IGF1R: variants seen among roughly 807,000 people sequenced by gnomAD.
The protein encoded by IGF1R is insulin like growth factor 1 receptor.
IGF1R carries 44 observed loss-of-function variants against 144.6 expected under a neutral mutation model. The ratio of observed to expected loss-of-function variants is 0.30; its 90% CI spans 0.24 to 0.39. The LOEUF (loss-of-function observed/expected upper bound fraction) is 0.39, where lower values mean the gene tolerates loss of function less well. Among genes scored for constraint, IGF1R ranks in the 10% least tolerant of loss-of-function variants. The pLI is 1.00. For missense variants in IGF1R, 1,355 were observed against 1,833.7 expected (o/e 0.74, Z 4.77); for synonymous variants, 795 against 722.8 (o/e 1.10, Z -1.60).
At chr15:98,709,901 T>G (rs1458079140) in intron 2 of IGF1R, among the ~76,000 whole-genome samples, 1 of 152,028 alleles carries the variant, frequency 6.6e-6, no homozygotes, top group Non-Finnish European at 1.5e-5. Context: ...TTGCCATAGG[T>G]TTTTGGCTGT....
chr15:98,707,747 G>A lies in IGF1R; in HGVS notation c.280G>A (p.Glu94Lys), dbSNP rs776250673. 5 of 1,614,136 alleles carry A rather than the reference G, an allele frequency of 3.1e-6. No homozygotes were observed. Among genetic ancestry groups the A allele is most frequent in the South Asian group, 1.1e-5 (1 of 91,078 alleles). ...GCTGCTGTTCCGAGTGGCTGGCCTC[G>A]AGAGCCTCGGAGACCTCTTCCCCAA... ...YLLLFRVAGL[E>K]SLGDLFPNLT... Residue 94 changes from glutamate (E) to lysine (K), a missense_variant, in exon 2 of 21, where the codon GAG (glutamate) becomes AAG (lysine). By Grantham distance (56) the Glu-to-Lys change is moderately conservative (BLOSUM62 1). Transcript: ENST00000650285. This position sits in a 1 kb window ranked among gnomAD's most constrained non-coding sequence, Gnocchi z 6.7.
At chr15:98,683,346 C>CT (rs1483832372) in intron 1 of IGF1R, among the ~76,000 whole-genome samples, 1 of 152,210 alleles carries the variant, frequency 6.6e-6, no homozygotes, top group East Asian at 1.9e-4. Context: ...TGTTCTGAGT[C>CT]TTTCACGATC....
intron 1 of IGF1R, among the ~76,000 whole-genome samples, chr15:98,679,946 A>C (rs1475653661): frequency 1.3e-5 from 2 of 152,108 alleles, no homozygotes; most frequent in Admixed American, 1.3e-4. Context: ...AAGTTTAAAA[A>C]GTTAAAAAAA....
chr15:98,680,960 A>G (rs934717523), intron 1 of IGF1R, among the ~76,000 whole-genome samples: 1 of 151,758 alleles, frequency 6.6e-6, no homozygotes, highest in African/African-American at 2.4e-5. Context: ...TGGTGTTACA[A>G]CTGCCTGCAG....
intron 2 of IGF1R, among the ~76,000 whole-genome samples, chr15:98,863,427 C>T (rs2012266352): frequency 6.6e-6 from 1 of 152,092 alleles, no homozygotes; most frequent in Non-Finnish European, 1.5e-5. Context: ...CATTCTGTTC[C>T]TCATTATTCT....
At chr15:98,919,528 G>A (rs902097922) in intron 10 of IGF1R, among the ~76,000 whole-genome samples, 1 of 152,158 alleles carries the variant, frequency 6.6e-6, no homozygotes, top group Non-Finnish European at 1.5e-5. Context: ...GTGAAGTGAC[G>A]TGAAGGCAGA....
chr15:98,853,769 G>A (rs1319379455), intron 2 of IGF1R, among the ~76,000 whole-genome samples: 4 of 152,200 alleles, frequency 2.6e-5, no homozygotes, highest in East Asian at 1.9e-4. Context: ...CAGCCCCTGC[G>A]GCCCCTGAAC....
In IGF1R at chr15:98,891,368, T is replaced by C. The variant is rs554921245; in HGVS notation, c.684T>C (p.Asn228=). The C allele has an allele frequency of 4.3e-5, 70 of 1,610,030 alleles. No homozygotes were observed. The South Asian group carries it at 7.5e-4, about 17-fold the overall frequency. ...GGAAGCGGGCGTGCACCGAGAACAA[T>C]GAGTGCTGCCACCCCGAGTGCCTGG... ...TCGKRACTEN[N]ECCHPECLGS... Residue 228 remains asparagine, a synonymous_variant, in exon 3 of 21, where the codon AAT becomes AAC. Transcript: ENST00000650285. This position sits in a 1 kb window ranked among gnomAD's most constrained non-coding sequence, Gnocchi z 4.7.
chr15:98,867,844 G>A (rs1172500870), intron 2 of IGF1R, among the ~76,000 whole-genome samples: 1 of 152,126 alleles, frequency 6.6e-6, no homozygotes, highest in Non-Finnish European at 1.5e-5. Context: ...TTTAAAGTAG[G>A]AATAATTGAG....
intron 1 of IGF1R, among the ~76,000 whole-genome samples, chr15:98,655,151 A>G (rs537052924): frequency 6.6e-6 from 1 of 152,210 alleles, no homozygotes; most frequent in African/African-American, 2.4e-5. Context: ...CTGAGGAAGG[A>G]ACATATATTT....
chr15:98,888,222 G>A (rs201489216), intron 2 of IGF1R, among the ~76,000 whole-genome samples: 114 of 152,304 alleles, frequency 7.5e-4, no homozygotes, highest in African/African-American at 2.5e-3. Context: ...GCGTGCATCT[G>A]TCTGGCACAC....
At chr15:98,715,046 G>T (rs779175862) in intron 2 of IGF1R, among the ~76,000 whole-genome samples, 3 of 152,208 alleles carry the variant, frequency 2.0e-5, no homozygotes, top group Non-Finnish European at 4.4e-5. Context: ...TGTCTCGGTT[G>T]CCCTGGAAGG....
intron 1 of IGF1R, among the ~76,000 whole-genome samples, chr15:98,698,276 A>G (rs1311890076): frequency 6.6e-6 from 1 of 151,982 alleles, no homozygotes; most frequent in African/African-American, 2.4e-5. Context: ...TGACCTCGTG[A>G]TCCGCCTGCC....
At chr15:98,931,444 C>CA (rs1398002356) in intron 15 of IGF1R, among the ~76,000 whole-genome samples, 2 of 152,122 alleles carry the variant, frequency 1.3e-5, no homozygotes, top group African/African-American at 4.8e-5. Flanking sequence ...TAGGGTTTTA[C>CA]TATGGTTTCT....
intron 5 of IGF1R, among the ~76,000 whole-genome samples, chr15:98,902,320 C>A (rs981163473): frequency 6.6e-6 from 1 of 151,818 alleles, no homozygotes; most frequent in Non-Finnish European, 1.5e-5. Context: ...AGCACTTTGA[C>A]GGTTTTTTTT....
intron 1 of IGF1R, among the ~76,000 whole-genome samples, chr15:98,654,793 G>A (rs537467129): frequency 6.6e-6 from 1 of 152,214 alleles, no homozygotes; most frequent in Non-Finnish European, 1.5e-5. Context: ...ACATGTTACG[G>A]ATATAGTTTC....
chr15:98,955,389 G>A (rs1015760962), intron 20 of IGF1R, among the ~76,000 whole-genome samples: 2 of 152,232 alleles, frequency 1.3e-5, no homozygotes, highest in Non-Finnish European at 2.9e-5. Context: ...AAAGGGCGAC[G>A]TGGTAAATAA....
At chr15:98,930,065 G>A (rs150566721) in intron 14 of IGF1R, among the ~76,000 whole-genome samples, 170 bp from the exon 15 acceptor site, 67 of 152,334 alleles carry the variant, frequency 4.4e-4, no homozygotes, top group African/African-American at 1.6e-3. Context: ...GGCTCACCCA[G>A]GCCTGAATTG....
At chr15:98,772,150 T>C (rs1426273825) in intron 2 of IGF1R, among the ~76,000 whole-genome samples, 1 of 152,154 alleles carries the variant, frequency 6.6e-6, no homozygotes, top group Non-Finnish European at 1.5e-5. Context: ...TTATTGACCA[T>C]GTAGCAACTG....
Sources: allele counts gnomAD v4.1 joint callset (sites outside exome capture counted in the v4.1 genomes callset), GRCh38; gene constraint gnomAD v4.1.1; non-coding constraint Gnocchi (gnomAD v3.1); transcripts MANE v1.5; gene names NCBI Gene and HGNC (gene_info 2026-07-23, HGNC 2026-07-21).